Variants in YAF2 observed in about 807,000 individuals in gnomAD.
YAF2 encodes YY1 associated factor 2, also known as YY1-associated factor 2.
In YAF2, 7 loss-of-function variants were observed where a neutral mutation model predicts 20.1. The ratio of observed to expected loss-of-function variants is 0.35; its 90% confidence interval spans 0.20 to 0.65. YAF2 has a LOEUF of 0.65. Among genes scored for constraint, YAF2 ranks in the 30% least tolerant of loss-of-function variants. The pLI is 0.69. For missense variants in YAF2, 151 were observed against 219.2 expected, an observed-to-expected ratio of 0.69 and a Z score of 1.96; for synonymous variants, 74 against 76.0, an observed-to-expected ratio of 0.97 and a Z score of 0.14.
chr12:42,183,231 G>C (rs1760180756), intron 2 of YAF2, among the ~76,000 whole-genome samples: 1 of 151,934 alleles, frequency 6.6e-6, no homozygotes, highest in African/African-American at 2.4e-5. Context: ...TCTTCCCTGA[G>C]ACACAATAAT....
chr12:42,160,629 G>C lies in YAF2; in HGVS notation c.503C>G (p.Pro168Arg). ...ATTCAATGATGAGGCTTCTCCTCTGGGTGAAGATGACCTGGACATTCCTCT... is the reference window on the plus strand; with the variant it reads ...ATTCAATGATGAGGCTTCTCCTCTGCGTGAAGATGACCTGGACATTCCTCT... The part of the protein sequence containing the change: ...TERGMSRSSS[P>R]RGEASSLNGE... The change falls in exon 4 of 4, where the codon CCC becomes CGC. Residue 168 changes from proline (P) to arginine (R), a missense_variant. Transcript: ENST00000534854. 6.2e-7 allele frequency: 1 copy of C among 1,613,708 alleles called. No individual in the cohort carries two copies. Among genetic ancestry groups the C allele is most frequent in the South Asian group, 1.1e-5 (1 of 91,054 alleles).
intron 2 of YAF2, among the ~76,000 whole-genome samples, chr12:42,206,238 A>C (rs1053702703): frequency 1.3e-5 from 2 of 151,820 alleles, no homozygotes; most frequent in Non-Finnish European, 2.9e-5. Flanking sequence ...TTTTACATAA[A>C]TATTTATTGT....
intron 2 of YAF2, among the ~76,000 whole-genome samples, chr12:42,194,470 C>A (rs1277622172): frequency 1.3e-5 from 2 of 152,138 alleles, no homozygotes; most frequent in African/African-American, 4.8e-5. Flanking sequence ...ACGGTGAAAA[C>A]CCGTCTCTAC....
chr12:42,183,827 T>A (rs140761483), intron 2 of YAF2, among the ~76,000 whole-genome samples: 4 of 152,362 alleles, frequency 2.6e-5, no homozygotes, highest in Non-Finnish European at 5.9e-5. Flanking sequence ...TCTAGGACTT[T>A]CAGAGCTAGA....
intron 2 of YAF2, among the ~76,000 whole-genome samples, chr12:42,176,169 C>G (rs2066185323): frequency 6.6e-6 from 1 of 150,924 alleles, no homozygotes; most frequent in Non-Finnish European, 1.5e-5. Flanking sequence ...TCACTTGAAT[C>G]CAGAAGGCAG....
At chr12:42,235,565 CAG>C (rs1198207389) in intron 2 of YAF2, 4 of 1,391,518 alleles carry the variant, frequency 2.9e-6, no homozygotes, top group African/African-American at 1.5e-5. Flanking sequence ...GAAGAGAATT[CAG>C]AGAGAGGAAG....
chr12:42,187,917 A>G (rs1165867218), intron 2 of YAF2, among the ~76,000 whole-genome samples: 1 of 152,136 alleles, frequency 6.6e-6, no homozygotes, highest in Non-Finnish European at 1.5e-5. Flanking sequence ...CTCTGGGGGA[A>G]GCCAGCTCTT....
chr12:42,204,739 A>G (rs993338256), intron 2 of YAF2, among the ~76,000 whole-genome samples: 3 of 152,210 alleles, frequency 2.0e-5, no homozygotes, highest in Admixed American at 2.0e-4. Context: ...ATTTGGCTAT[A>G]AAAAAGAATG....
intron 2 of YAF2, among the ~76,000 whole-genome samples, chr12:42,176,020 G>A (rs1042678267): frequency 6.6e-6 from 1 of 152,050 alleles, no homozygotes; most frequent in Non-Finnish European, 1.5e-5. Flanking sequence ...GCCAAGGCGG[G>A]TGGATCACTT....
At chr12:42,220,376 T>G (rs1246792595) in intron 2 of YAF2, among the ~76,000 whole-genome samples, 3 of 152,202 alleles carry the variant, frequency 2.0e-5, no homozygotes, top group African/African-American at 4.8e-5. Flanking sequence ...ATTCTTTACA[T>G]TAGCATTTAG....
At chr12:42,227,727 C>T (rs1207463189) in intron 2 of YAF2, among the ~76,000 whole-genome samples, 3 of 151,054 alleles carry the variant, frequency 2.0e-5, no homozygotes, top group African/African-American at 7.3e-5. Flanking sequence ...GCCCGGCAGC[C>T]ACCCCGTCCG....
At chr12:42,215,868 G>A (rs1367256576) in intron 2 of YAF2, among the ~76,000 whole-genome samples, 4 of 152,040 alleles carry the variant, frequency 2.6e-5, no homozygotes, top group Non-Finnish European at 5.9e-5. Flanking sequence ...GTTGCAGTGA[G>A]CCCAGATTGC....
intron 2 of YAF2, among the ~76,000 whole-genome samples, chr12:42,181,315 T>G (rs1464357205): frequency 6.6e-6 from 1 of 152,230 alleles, no homozygotes; most frequent in Non-Finnish European, 1.5e-5. Flanking sequence ...CCTTACTACT[T>G]CTCCTACTGC....
chr12:42,200,323 C>T (rs975675904), intron 2 of YAF2, among the ~76,000 whole-genome samples: 1 of 152,118 alleles, frequency 6.6e-6, no homozygotes, highest in Non-Finnish European at 1.5e-5. Context: ...TCAACTGAAT[C>T]AAAATTATTT....
At chr12:42,172,762 A>C (rs996214364) in intron 2 of YAF2, among the ~76,000 whole-genome samples, 1 of 152,244 alleles carries the variant, frequency 6.6e-6, no homozygotes, top group African/African-American at 2.4e-5. Flanking sequence ...TGATGAATGG[A>C]TAAATCAAAT....
intron 2 of YAF2, chr12:42,236,079 A>G: frequency 6.7e-7 from 1 of 1,482,018 alleles, no homozygotes. Context: ...AACAAAAAGC[A>G]ATAATATATA....
chr12:42,178,687 T>C (rs74078194), intron 2 of YAF2, among the ~76,000 whole-genome samples: 3,664 of 152,292 alleles, frequency 0.024, 146 homozygotes, highest in African/African-American at 0.084. Flanking sequence ...CTTATATTTC[T>C]TTTTAACCCT....
chr12:42,186,001 G>C (rs1467176193), intron 2 of YAF2, among the ~76,000 whole-genome samples: 1 of 152,182 alleles, frequency 6.6e-6, no homozygotes, highest in Middle Eastern at 3.4e-3. Flanking sequence ...AGGAGTTCGA[G>C]ACCAGCCTGA....
intron 2 of YAF2, among the ~76,000 whole-genome samples, chr12:42,175,221 A>G (rs985237410): frequency 3.9e-5 from 6 of 152,218 alleles, no homozygotes; most frequent in Admixed American, 3.3e-4. Context: ...CTGACACTCA[A>G]GAGGAGTTAT....
Sources: gnomAD v4.1 joint callset for allele counts (sites outside exome capture counted in the v4.1 genomes callset) on GRCh38, gnomAD v4.1.1 for gene constraint, MANE v1.5 for transcripts, NCBI Gene and HGNC (gene_info 2026-07-23, HGNC 2026-07-21) for gene names.